Variants in FAT1 observed in about 807,000 individuals in gnomAD.
FAT1 encodes protocadherin Fat 1.
FAT1 carries 171 observed loss-of-function variants against 329.8 expected under a neutral mutation model. That is an observed-to-expected ratio of 0.52 (90% CI 0.46 to 0.59). FAT1 has a LOEUF of 0.59. Ranked by LOEUF, FAT1 falls within the 20% of genes least tolerant of loss-of-function variation. The pLI is 0.00. For missense variants in FAT1, 5,672 were observed against 5,774.4 expected (o/e 0.98, Z 0.57); for synonymous variants, 2,233 against 2,228.6 (o/e 1.00, Z -0.06).
At chr4:186,680,686 T>A (rs1186903083) in intron 2 of FAT1, among the ~76,000 whole-genome samples, 1 of 152,142 alleles carries the variant, frequency 6.6e-6, no homozygotes, top group African/African-American at 2.4e-5. Context: ...GTAAAGATCA[T>A]CTAGTGCAAC....
chr4:186,707,155 GTGCTC>G lies in FAT1; in HGVS notation c.2668_2672del (p.Glu890LeufsTer5). On this transcript the variant is annotated frameshift_variant, in exon 2 of 27. Transcript: ENST00000441802. LOFTEE classifies it high-confidence loss of function. ...GGTCCCTGGCCTCAATCTTTAAGGAGTGCTCATGCTGCAGCTCTCGATCCAGAGGG... is the reference window on the plus strand; with the variant it reads ...GGTCCCTGGCCTCAATCTTTAAGGAGATGCTGCAGCTCTCGATCCAGAGGG... The G allele has an allele frequency of 6.2e-7, 1 of 1,613,960 alleles. No individual in the cohort carries two copies. Among genetic ancestry groups the G allele is most frequent in the South Asian group, 1.1e-5 (1 of 91,084 alleles).
rs35176185 is a variant in FAT1, at chr4:186,638,615, GCACACA to G, written c.3642+1101_3642+1106del. 1.5e-3 allele frequency among the ~76,000 whole-genome samples: 206 copies of G among 140,016 alleles called. 2 individuals are homozygous for G. In the East Asian group the frequency reaches 0.027, roughly 19 times the overall value. 91.9% of individuals were successfully genotyped at this position (140,016 alleles called of 152,430 possible). A position where few individuals can be genotyped will look rare whatever the true frequency, so the allele number is the denominator to read the frequency against. On this transcript the variant is annotated intron_variant, in intron 4 of 26. Transcript: ENST00000441802. ...CCAGAGGGTATTCCCAGTTCCCAAT[GCACACA>G]CACACACACACACACACACACACAT...
At chr4:186,597,591 G>A (rs898970378) in intron 24 of FAT1, 91 bp downstream of exon 24, 5 of 820,090 alleles carry the variant, frequency 6.1e-6, no homozygotes, top group Non-Finnish European at 1.0e-5. Flanking sequence ...CTGACATAAT[G>A]TAGTTCAAAT....
intron 2 of FAT1, among the ~76,000 whole-genome samples, chr4:186,704,943 C>CTTTTT (rs575252840): frequency 4.1e-5 from 5 of 120,628 alleles, no homozygotes; most frequent in African/African-American, 1.0e-4. Context: ...TCCAAAATAA[C>CTTTTT]TTTTTTTTTT....
chr4:186,611,880 G>A, intron 13 of FAT1, 105 bp from the exon 14 acceptor site: 1 of 852,584 alleles, frequency 1.2e-6, no homozygotes, highest in Non-Finnish European at 1.8e-6. Flanking sequence ...CTGGAGTGCA[G>A]TGGCGTGATC....
intron 3 of FAT1, among the ~76,000 whole-genome samples, chr4:186,645,004 T>C (rs1209797425): frequency 2.0e-5 from 3 of 152,140 alleles, no homozygotes; most frequent in Non-Finnish European, 4.4e-5. Flanking sequence ...TGTAGGGCAC[T>C]GACAGAAAAC....
At position 186,600,081 on chromosome 4, in the gene FAT1, T is replaced by C. The variant is rs774491182; in HGVS notation, c.11920A>G (p.Arg3974Gly). ...GRSPQVGNGF[R>G]GCMDSIYLNG... is the part of the protein sequence containing the mutation. ...AAATAAATGGAGTCCATACAACCCC[T>C]GAAACCATTACCAACTTGAGGACTT... Residue 3974 changes from arginine (R) to glycine (G), a missense_variant, in exon 22 of 27, where the codon AGG (arginine) becomes GGG (glycine). By Grantham distance (125) the Arg-to-Gly change is moderately radical (BLOSUM62 -2). This residue lies in a region of FAT1 where 1,706 missense variants were observed against 1,859.1 expected (regional missense o/e 0.92). Coordinates refer to ENST00000441802, the MANE Select transcript of FAT1 (RefSeq NM_005245.4). The C allele has an allele frequency of 5.6e-6, 9 of 1,613,942 alleles. No individual in the cohort carries two copies. Among genetic ancestry groups the C allele is most frequent in the Middle Eastern group, 1.6e-4 (1 of 6,084 alleles).
intron 2 of FAT1, among the ~76,000 whole-genome samples, chr4:186,706,120 T>C (rs1244737080): frequency 1.3e-5 from 2 of 152,156 alleles, no homozygotes; most frequent in Non-Finnish European, 2.9e-5. Flanking sequence ...CTGGGTAACT[T>C]TGCCGGTGTG....
intron 2 of FAT1, among the ~76,000 whole-genome samples, chr4:186,687,080 T>C (rs189709947): frequency 7.4e-4 from 112 of 152,194 alleles, no homozygotes; most frequent in African/African-American, 2.6e-3. Flanking sequence ...AATTAATTAA[T>C]GTGAAGAAAT....
Position 186,603,940 on chromosome 4 carries a change from G to A in FAT1, c.10586C>T (p.Thr3529Ile), listed in dbSNP as rs1464722130. The A allele has an allele frequency of 1.2e-6, 2 of 1,613,750 alleles. No homozygotes were observed. The highest frequency in any genetic ancestry group is 1.3e-5 in the African/African-American group (1 of 75,034). The change falls in exon 19 of 27, where the codon ACA becomes ATA. Residue 3529 changes from threonine (T) to isoleucine (I), a missense_variant. By Grantham distance (89) the Thr-to-Ile change is moderately conservative. This residue lies in a region of FAT1 where 1,706 missense variants were observed against 1,859.1 expected (regional missense o/e 0.92). Coordinates refer to ENST00000441802, the MANE Select transcript of FAT1 (RefSeq NM_005245.4). ...DNGKPQLSSL[T>I]YIDIRVIEES... is the part of the protein sequence containing the mutation. ...CTCAATTACCCTAATGTCAATGTATGTCAAAGATGACAACTGAGGCTTTCC... is the reference window on the plus strand; with the variant it reads ...CTCAATTACCCTAATGTCAATGTATATCAAAGATGACAACTGAGGCTTTCC...
Position 186,617,971 on chromosome 4 carries a change from A to G in FAT1, c.8615T>C (p.Leu2872Ser), listed in dbSNP as rs201708442. The G allele has an allele frequency of 5.5e-5, 88 of 1,614,018 alleles. 1 individual carries two copies. The highest frequency in any genetic ancestry group is 1.3e-5 in the Non-Finnish European group (15 of 1,179,880). Residue 2872 changes from leucine (L) to serine (S), a missense_variant, in exon 10 of 27, where the codon TTA becomes TCA. This residue lies in a region of FAT1 where 3,966 missense variants were observed against 3,915.2 expected (regional missense o/e 1.01). Coordinates refer to ENST00000441802, the MANE Select transcript of FAT1 (RefSeq NM_005245.4). ...INMETGWITT[L>S]KELDHEKRDN... ...TCTCTTTTCATGGTCAAGTTCCTTT[A>G]AAGTTGTAATCCAGCCTGTTTCCAT... is the stretch of plus-strand genomic sequence containing the variant.
chr4:186,687,042 T>A (rs1743501061), intron 2 of FAT1, among the ~76,000 whole-genome samples: 1 of 152,236 alleles, frequency 6.6e-6, no homozygotes, highest in Non-Finnish European at 1.5e-5. Flanking sequence ...TTAGCCTTTA[T>A]CTGGCATACA....
In FAT1 at chr4:186,620,132, C is replaced by G. The variant is rs2126512699; in HGVS notation, c.6454G>C (p.Val2152Leu). Reference sequence around the variant, plus strand: ...CCTCCATCTTTTGCAACCACTGTAACAAGATATTCTTTATTTAAGGTGTCA... The same window carrying G: ...CCTCCATCTTTTGCAACCACTGTAAGAAGATATTCTTTATTTAAGGTGTCA... Reference protein sequence around the residue: ...ELDTLNKEYLVTVVAKDGGNP... With the variant: ...ELDTLNKEYLLTVVAKDGGNP... Residue 2152 changes from valine to leucine, a missense_variant, in exon 10 of 27, where the codon GTT becomes CTT. Transcript: ENST00000441802. 1.2e-6 allele frequency: 2 copies of G among 1,613,978 alleles called. No homozygotes were observed. The highest frequency in any genetic ancestry group is 1.7e-6 in the Non-Finnish European group (2 of 1,179,870).
intron 17 of FAT1, among the ~76,000 whole-genome samples, chr4:186,605,573 G>T (rs1441755712): frequency 1.8e-5 from 2 of 110,292 alleles, no homozygotes; most frequent in Admixed American, 2.0e-4. Flanking sequence ...GTGGAGGGAG[G>T]GGGGAGGAAT....
Sources: gnomAD v4.1 joint callset for allele counts (sites outside exome capture counted in the v4.1 genomes callset) on GRCh38, gnomAD v4.1.1 for gene constraint, gnomAD v4.1.1 regional missense constraint, MANE v1.5 for transcripts, NCBI Gene and HGNC (gene_info 2026-07-23, HGNC 2026-07-21) for gene names.